The following AVL9 variants were observed in gnomAD, a reference collection of about 807,000 sequenced individuals.
AVL9 encodes late secretory pathway protein AVL9 homolog.
A neutral mutation model predicts 79.2 loss-of-function variants in AVL9; 49 were observed. The ratio of observed to expected loss-of-function variants is 0.62; its 90% CI spans 0.49 to 0.79. The LOEUF (loss-of-function observed/expected upper bound fraction) is 0.79, where lower values mean the gene tolerates loss of function less well. Among genes scored for constraint, AVL9 ranks in the 30% least tolerant of loss-of-function variants. The pLI is 0.00. For missense variants in AVL9, 682 were observed against 776.8 expected, an observed-to-expected ratio of 0.88 and a Z score of 1.45; for synonymous variants, 299 against 280.6, an observed-to-expected ratio of 1.07 and a Z score of -0.65.
At position 32,553,815 on chromosome 7, in the gene AVL9, G is replaced by T. The variant is rs749518359; in HGVS notation, c.570+48G>T. ...ATTTATGATGTACAGTACTAAAATG[G>T]CCAACACTGTTCTTAGTGTGCTCAT... On this transcript the variant is annotated intron_variant, in intron 7 of 15. Transcript: ENST00000318709. The T allele has an allele frequency of 4.4e-6, 6 of 1,378,720 alleles. No individual in the cohort carries two copies. In the African/African-American group the frequency reaches 7.1e-5, roughly 16 times the overall value. 85.4% of individuals were successfully genotyped at this position (1,378,720 alleles called of 1,614,324 possible).
At chr7:32,568,009 C>T (rs1326809502) in intron 10 of AVL9, among the ~76,000 whole-genome samples, 1 of 151,858 alleles carries the variant, frequency 6.6e-6, no homozygotes. Flanking sequence ...TGTGAGCCAT[C>T]GCGCCCAGCC....
intron 3 of AVL9, among the ~76,000 whole-genome samples, chr7:32,546,988 C>T (rs541234512): frequency 2.6e-5 from 4 of 152,106 alleles, no homozygotes; most frequent in African/African-American, 9.7e-5. Context: ...GGAGGAAAAG[C>T]AGATTTATTT....
chr7:32,496,181 A>G (rs1012821031), intron 1 of AVL9, among the ~76,000 whole-genome samples: 3 of 152,192 alleles, frequency 2.0e-5, no homozygotes, highest in Middle Eastern at 3.2e-3. Context: ...GAGTCTAGAA[A>G]AATTCAGTGC....
intron 1 of AVL9, among the ~76,000 whole-genome samples, chr7:32,512,045 G>C (rs1352610652): frequency 6.6e-6 from 1 of 152,174 alleles, no homozygotes; most frequent in Non-Finnish European, 1.5e-5. Context: ...TTGATGGAAT[G>C]CCCATTATGA....
chr7:32,504,009 G>C (rs145621350), intron 1 of AVL9, among the ~76,000 whole-genome samples: 1 of 152,200 alleles, frequency 6.6e-6, no homozygotes, highest in Non-Finnish European at 1.5e-5. Context: ...TGAAACCCAC[G>C]TCTGCCCCGT....
intron 2 of AVL9, 127 bp from the exon 3 acceptor site, chr7:32,544,567 A>G (rs887955459): frequency 3.7e-5 from 24 of 644,256 alleles, no homozygotes; most frequent in Non-Finnish European, 5.3e-5. Context: ...ACAAATAAGT[A>G]TGATTTGGAT....
At chr7:32,510,551 A>G (rs1787622296) in intron 1 of AVL9, among the ~76,000 whole-genome samples, 2 of 139,868 alleles carry the variant, frequency 1.4e-5, no homozygotes, top group Admixed American at 1.4e-4. Flanking sequence ...GTATGAGGGA[A>G]GCCATCTCTC....
chr7:32,580,114 C>G, intron 13 of AVL9, 105 bp from the exon 14 acceptor site: 1 of 859,230 alleles, frequency 1.2e-6, no homozygotes, highest in Non-Finnish European at 1.9e-6. Context: ...CACTACCACC[C>G]AGCTGTGTTG....
intron 1 of AVL9, among the ~76,000 whole-genome samples, chr7:32,504,284 G>T (rs990041500): frequency 6.6e-6 from 1 of 152,108 alleles, no homozygotes; most frequent in African/African-American, 2.4e-5. Context: ...AAGAAAAATG[G>T]TTTTTATAGC....
chr7:32,568,632 AAATAT>A (rs1790690898), intron 10 of AVL9, among the ~76,000 whole-genome samples: 3 of 152,194 alleles, frequency 2.0e-5, no homozygotes, highest in Admixed American at 2.0e-4. Flanking sequence ...TTATTTTCAT[AAATAT>A]AATATCACAT....
At chr7:32,546,222 C>G (rs1430594493) in intron 3 of AVL9, among the ~76,000 whole-genome samples, 1 of 152,022 alleles carries the variant, frequency 6.6e-6, no homozygotes, top group Non-Finnish European at 1.5e-5. Context: ...AAGGAAATTT[C>G]AAATATGCAG....
intron 1 of AVL9, chr7:32,535,345 C>A (rs1425034533): frequency 6.6e-6 from 1 of 152,236 alleles, no homozygotes; most frequent in Non-Finnish European, 1.5e-5. Context: ...CGTCACCAAT[C>A]TAAGTTATCT....
intron 10 of AVL9, among the ~76,000 whole-genome samples, chr7:32,565,559 C>CAAA (rs56944092): frequency 5.5e-4 from 77 of 141,100 alleles, no homozygotes; most frequent in African/African-American, 1.9e-3. Context: ...AACTCCGTCT[C>CAAA]AAAAAAAAAA....
chr7:32,540,749 G>A (rs62467587), intron 1 of AVL9, among the ~76,000 whole-genome samples: 3 of 151,710 alleles, frequency 2.0e-5, no homozygotes, highest in South Asian at 2.1e-4. Flanking sequence ...TCCTACAGCC[G>A]GCTTCTCCAC....
chr7:32,554,442 C>A, intron 7 of AVL9, 116 bp from the exon 8 acceptor site: 7 of 473,276 alleles, frequency 1.5e-5, no homozygotes, highest in Non-Finnish European at 2.2e-5. Flanking sequence ...TTTTCATGTA[C>A]TTTTTAAAGT....
chr7:32,514,564 T>G (rs1004324403), intron 1 of AVL9, among the ~76,000 whole-genome samples: 1 of 152,124 alleles, frequency 6.6e-6, no homozygotes, highest in Non-Finnish European at 1.5e-5. Flanking sequence ...ACTGATGACA[T>G]TCTACCACAA....
At chr7:32,558,524 G>T in intron 8 of AVL9, 35 bp from the exon 9 acceptor site, 1 of 1,481,460 alleles carries the variant, frequency 6.8e-7, no homozygotes, top group Non-Finnish European at 9.3e-7. Flanking sequence ...GGCTTCATGG[G>T]TCTTCTAATT....
At chr7:32,541,144 G>A (rs1337363060) in intron 1 of AVL9, among the ~76,000 whole-genome samples, 11 of 151,578 alleles carry the variant, frequency 7.3e-5, no homozygotes, top group African/African-American at 2.2e-4. Context: ...CTCGTGATCC[G>A]CCCGCCTCGG....
At chr7:32,561,611 T>C (rs920713462) in intron 10 of AVL9, among the ~76,000 whole-genome samples, 1 of 152,246 alleles carries the variant, frequency 6.6e-6, no homozygotes, top group African/African-American at 2.4e-5. Flanking sequence ...TGTTTCACTT[T>C]CTTACCATTT....
Sources: gnomAD v4.1 joint callset for allele counts (sites outside exome capture counted in the v4.1 genomes callset) on GRCh38, gnomAD v4.1.1 for gene constraint, MANE v1.5 for transcripts, NCBI Gene and HGNC (gene_info 2026-07-23, HGNC 2026-07-21) for gene names.